PAK1: variants seen among roughly 807,000 people sequenced by gnomAD.
PAK1 encodes the protein p21 (RAC1) activated kinase 1.
Under a neutral mutation model 67.4 loss-of-function variants are expected in PAK1, and 29 were observed. That is an observed-to-expected ratio of 0.43 (90% CI 0.32 to 0.59). PAK1 has a LOEUF of 0.59. PAK1 is among the 20% of genes least tolerant of loss of function. The pLI, the probability that PAK1 is intolerant of heterozygous loss-of-function variation, is 0.07. For synonymous variants in PAK1, 223 were observed against 237.4 expected (o/e 0.94, Z 0.56); for missense variants, 337 against 670.7 (o/e 0.50, Z 5.50).
chr11:77,335,250 T>G (rs764881241), intron 13 of PAK1, among the ~76,000 whole-genome samples: 2 of 152,216 alleles, frequency 1.3e-5, no homozygotes, highest in Non-Finnish European at 2.9e-5. Flanking sequence ...ATATACCAAC[T>G]ATATATTATC....
chr11:77,451,180 C>A lies in PAK1; in HGVS notation c.-22+22372G>T, dbSNP rs117321801. Among the ~76,000 whole-genome samples, 213 of 152,222 alleles carry A rather than the reference C, an allele frequency of 1.4e-3. 4 individuals are homozygous for A. In the East Asian group the frequency reaches 0.039, roughly 28 times the overall value. ...TATAATGGGGTTCAAGACATGCTAC[C>A]CCAAAATATGACATCTTAGCATATG... On this transcript the variant is annotated intron_variant, in intron 1 of 14. Transcript: ENST00000356341.
chr11:77,327,129 C>G (rs11237167), intron 14 of PAK1, among the ~76,000 whole-genome samples: 1 of 152,080 alleles, frequency 6.6e-6, no homozygotes, highest in African/African-American at 2.4e-5. Context: ...AAATATGGGA[C>G]TATGTGAAAA....
At chr11:77,422,532 G>A (rs1041253428) in intron 1 of PAK1, among the ~76,000 whole-genome samples, 10 of 145,650 alleles carry the variant, frequency 6.9e-5, no homozygotes, top group African/African-American at 2.1e-4. Context: ...TCCAGCCTGG[G>A]CAACAGAGGG....
At chr11:77,419,190 T>C (rs1955127134) in intron 1 of PAK1, among the ~76,000 whole-genome samples, 1 of 152,216 alleles carries the variant, frequency 6.6e-6, no homozygotes, top group African/African-American at 2.4e-5. Context: ...AGCAGTTTTA[T>C]TTATTACTAA....
rs565003888 is a variant in PAK1 at position 77,447,232 on chromosome 11, CA to C, written c.-22+26319del. ...ACATTTTGGCCTTCTTTACCAACTC[CA>C]AAAAGGTCCTTTGTGTTTGGGCTCT... On this transcript the variant is annotated intron_variant, in intron 1 of 14. Transcript: ENST00000356341. Among the ~76,000 whole-genome samples, 32 of 152,290 alleles carry C rather than the reference CA, an allele frequency of 2.1e-4. 1 individual carries two copies. In the South Asian group the frequency reaches 6.4e-3, roughly 31 times the overall value.
chr11:77,421,766 A>T (rs595654), intron 1 of PAK1, among the ~76,000 whole-genome samples: 58,428 of 152,056 alleles, frequency 0.38, 12,028 homozygotes, highest in African/African-American at 0.53. Flanking sequence ...GTCATACAAA[A>T]CACCTTTTGC....
the PAK1 span, among the ~76,000 whole-genome samples, chr11:77,497,437 CA>C: frequency 2.6e-5 from 4 of 152,172 alleles, no homozygotes; most frequent in African/African-American, 4.8e-5. Context: ...AACTGAGACC[CA>C]GAAGGAAAGT....
chr11:77,374,217 G>A (rs1357176196), intron 5 of PAK1, 111 bp downstream of exon 5: 3 of 676,818 alleles, frequency 4.4e-6, no homozygotes, highest in African/African-American at 3.6e-5. Context: ...GGCCAAGGGT[G>A]CAGGAGTGAC....
intron 1 of PAK1, among the ~76,000 whole-genome samples, chr11:77,406,611 C>T (rs1953603032): frequency 6.6e-6 from 1 of 152,128 alleles, no homozygotes; most frequent in African/African-American, 2.4e-5. Context: ...AACCCTGTCT[C>T]TACAAAAAAT....
At chr11:77,329,319 G>A (rs1440834273) in intron 14 of PAK1, 1 of 152,228 alleles carries the variant, frequency 6.6e-6, no homozygotes, top group Admixed American at 6.5e-5. Flanking sequence ...AAGCCTGGCA[G>A]AGACACAACA....
At chr11:77,409,128 C>T (rs984724592) in intron 1 of PAK1, among the ~76,000 whole-genome samples, 3 of 151,900 alleles carry the variant, frequency 2.0e-5, no homozygotes, top group Non-Finnish European at 4.4e-5. Flanking sequence ...TTTTATTAGC[C>T]AGGCATGCTG....
chr11:77,497,953 C>G, the PAK1 span, among the ~76,000 whole-genome samples: 1 of 152,082 alleles, frequency 6.6e-6, no homozygotes, highest in Non-Finnish European at 1.5e-5. Context: ...AAAATACATC[C>G]TACATATGTA....
At chr11:77,435,704 T>C (rs1956099026) in intron 1 of PAK1, among the ~76,000 whole-genome samples, 1 of 144,042 alleles carries the variant, frequency 6.9e-6, no homozygotes, top group Admixed American at 7.0e-5. Flanking sequence ...GAGACGGAGT[T>C]TCACCATGTT....
the PAK1 span, among the ~76,000 whole-genome samples, chr11:77,486,009 C>A: frequency 6.6e-6 from 1 of 152,186 alleles, no homozygotes; most frequent in African/African-American, 2.4e-5. Flanking sequence ...CAGCTCACTC[C>A]TCCTAACTTT....
chr11:77,411,854 C>T (rs1954593407), intron 1 of PAK1: 1 of 152,304 alleles, frequency 6.6e-6, no homozygotes, highest in African/African-American at 2.4e-5. Context: ...AACCGGGTAC[C>T]CACAAGGCCC....
chr11:77,509,208 A>G, the PAK1 span, among the ~76,000 whole-genome samples: 1 of 151,670 alleles, frequency 6.6e-6, no homozygotes, highest in African/African-American at 2.4e-5. Flanking sequence ...CCGTGAGCCA[A>G]GATCGCGCCA....
intron 10 of PAK1, among the ~76,000 whole-genome samples, chr11:77,341,097 C>T (rs538103121): frequency 6.6e-6 from 1 of 152,088 alleles, no homozygotes; most frequent in East Asian, 1.9e-4. Flanking sequence ...TGACATGATT[C>T]CCACACCTCT....
chr11:77,493,584 T>C, the PAK1 span, among the ~76,000 whole-genome samples: 1 of 149,972 alleles, frequency 6.7e-6, no homozygotes, highest in Admixed American at 6.7e-5. Flanking sequence ...TCAGCCACCA[T>C]GCCTGGCCTG....
rs550609916 is a variant in PAK1, at chr11:77,376,278, G to C, written c.440-1913C>G. ...TTCCAAAGCACAGAATGATGGAACA[G>C]AAAGTGCTTCCAGCACTTTCATTTT... On this transcript the variant is annotated intron_variant, in intron 4 of 14. Transcript: ENST00000356341. Among the ~76,000 whole-genome samples the C allele has an allele frequency of 3.9e-5, 6 of 152,266 alleles. No individual in the cohort carries two copies. In the East Asian group the frequency reaches 9.6e-4, roughly 24 times the overall value.
Sources: gnomAD v4.1 joint callset for allele counts (sites outside exome capture counted in the v4.1 genomes callset) on GRCh38, gnomAD v4.1.1 for gene constraint, MANE v1.5 for transcripts, NCBI Gene and HGNC (gene_info 2026-07-23, HGNC 2026-07-21) for gene names.